KIAA1549L: variants seen among roughly 807,000 people sequenced by gnomAD.
KIAA1549L encodes the protein UPF0606 protein KIAA1549L.
A neutral mutation model predicts 160.7 loss-of-function variants in KIAA1549L; 88 were observed. The observed-to-expected ratio is 0.55, with a 90% CI of 0.46 to 0.65. The LOEUF (loss-of-function observed/expected upper bound fraction) is 0.65, where lower values mean the gene tolerates loss of function less well. KIAA1549L is among the 30% of genes least tolerant of loss of function. The pLI is 0.00. For synonymous variants in KIAA1549L, 950 were observed against 976.7 expected, an observed-to-expected ratio of 0.97 and a Z score of 0.51; for missense variants, 2,258 against 2,437.5, an observed-to-expected ratio of 0.93 and a Z score of 1.55.
chr11:33,615,453 G>C (rs545519455), intron 15 of KIAA1549L, among the ~76,000 whole-genome samples: 1 of 151,944 alleles, frequency 6.6e-6, no homozygotes, highest in African/African-American at 2.4e-5. Flanking sequence ...AAAGTATATA[G>C]CAAAATATCA....
Position 33,618,693 on chromosome 11 carries a change from G to A in KIAA1549L, c.5409+31G>A, listed in dbSNP as rs771617019. 8 of 1,524,834 alleles carry A rather than the reference G, an allele frequency of 5.2e-6. No individual in the cohort carries two copies. The East Asian group carries it at 1.7e-4, about 32-fold the overall frequency. 94.5% of individuals were successfully genotyped at this position (1,524,834 alleles called of 1,614,324 possible). A position where few individuals can be genotyped will look rare whatever the true frequency, so the allele number is the denominator to read the frequency against. ...TCTCTGGTGGGCTGGGTAAATACAA[G>A]CTTTCCTTTCCCCTGAAGGCAAGGG... On this transcript the variant is annotated intron_variant, in intron 16 of 20. Transcript: ENST00000658780.
chr11:33,450,767 A>G (rs1851705908), intron 1 of KIAA1549L: 1 of 152,238 alleles, frequency 6.6e-6, no homozygotes, highest in African/African-American at 2.4e-5. Context: ...GGGTTCCTAA[A>G]CTTCATGAAC....
chr11:33,472,328 C>T lies in KIAA1549L; in HGVS notation c.239-69474C>T, dbSNP rs183542323. Among the ~76,000 whole-genome samples the T allele has an allele frequency of 2.5e-3, 372 of 147,560 alleles. 2 individuals carry two copies. The highest frequency in any genetic ancestry group is 9.1e-3 in the African/African-American group (362 of 39,804). ...TAGAAACAGGGTCTCATTATGTTGC[C>T]CAGGTTGGTCTCAAACTCCTGGCCT... On this transcript the variant is annotated intron_variant, in intron 1 of 20. Coordinates refer to ENST00000658780, the MANE Select transcript of KIAA1549L (RefSeq NM_012194.3).
chr11:33,665,676 C>G (rs899916511), intron 20 of KIAA1549L: 1 of 152,404 alleles, frequency 6.6e-6, no homozygotes, highest in African/African-American at 2.4e-5. Context: ...TTCAGGCCCC[C>G]CCTGGCCTTC....
intron 13 of KIAA1549L, among the ~76,000 whole-genome samples, chr11:33,604,710 C>G (rs1285725496): frequency 6.6e-6 from 1 of 152,070 alleles, no homozygotes; most frequent in Admixed American, 6.5e-5. Flanking sequence ...AATGGAAAAC[C>G]AAATACTATA....
intron 20 of KIAA1549L, 77 bp from the exon 21 acceptor site, chr11:33,667,796 C>T: frequency 7.7e-7 from 1 of 1,295,814 alleles, no homozygotes; most frequent in South Asian, 1.4e-5. Context: ...CTCCTGCTTC[C>T]AGTGTCAAGT....
rs763188950 is a variant in KIAA1549L, at chr11:33,574,697, G to T, written c.4231-5G>T. On this transcript the variant is annotated splice_region_variant and splice_polypyrimidine_tract_variant and intron_variant, in intron 9 of 20. Transcript: ENST00000658780. ...GCAAACACTCGGCCTCTCTTTTTCC[G>T]AAAGATGGTGAAGATGCAGCGTGTC... 4 of 1,603,412 alleles carry T rather than the reference G, an allele frequency of 2.5e-6. No individual in the cohort carries two copies. Among genetic ancestry groups the T allele is most frequent in the East Asian group, 2.2e-5 (1 of 44,680 alleles).
intron 19 of KIAA1549L, 134 bp from the exon 20 acceptor site, chr11:33,660,729 G>T (rs922678876): frequency 1.2e-6 from 1 of 812,108 alleles, no homozygotes; most frequent in Non-Finnish European, 2.0e-6. Flanking sequence ...CCTCAGCTCA[G>T]ACCTGATTTA....
chr11:33,503,609 A>G (rs1248864881), intron 1 of KIAA1549L, among the ~76,000 whole-genome samples: 5 of 152,248 alleles, frequency 3.3e-5, no homozygotes, highest in Non-Finnish European at 5.9e-5. Flanking sequence ...TACATTTATC[A>G]CATAAGTCTA....
At chr11:33,651,086 A>G (rs556717927) in intron 17 of KIAA1549L, among the ~76,000 whole-genome samples, 1 of 152,060 alleles carries the variant, frequency 6.6e-6, no homozygotes, top group Non-Finnish European at 1.5e-5. Context: ...GTGTAAATGT[A>G]CCTCGCTTCT....
chr11:33,636,122 C>CT (rs1300637212), intron 16 of KIAA1549L, among the ~76,000 whole-genome samples: 2 of 152,198 alleles, frequency 1.3e-5, no homozygotes, highest in Non-Finnish European at 2.9e-5. Context: ...CTTAGTCACA[C>CT]AGTGGTTATT....
intron 1 of KIAA1549L, among the ~76,000 whole-genome samples, chr11:33,483,817 C>G (rs1273226564): frequency 6.6e-6 from 1 of 152,204 alleles, no homozygotes; most frequent in Non-Finnish European, 1.5e-5. Flanking sequence ...GATTGTGAGG[C>G]TGCTCCAGCC....
intron 1 of KIAA1549L, among the ~76,000 whole-genome samples, chr11:33,415,466 C>G (rs1040103297): frequency 6.6e-6 from 1 of 152,146 alleles, no homozygotes; most frequent in Non-Finnish European, 1.5e-5. Flanking sequence ...TCTACTTGGA[C>G]CAGCAAACAA....
intron 10 of KIAA1549L, among the ~76,000 whole-genome samples, chr11:33,578,133 G>T (rs1369722507): frequency 2.0e-5 from 3 of 152,186 alleles, no homozygotes; most frequent in Non-Finnish European, 1.5e-5. Context: ...CAGGAGGACC[G>T]GGTGAGGCTA....
chr11:33,459,278 CT>C (rs1851891931), intron 1 of KIAA1549L, among the ~76,000 whole-genome samples: 1 of 152,196 alleles, frequency 6.6e-6, no homozygotes, highest in Non-Finnish European at 1.5e-5. Context: ...TGAGATCACC[CT>C]TCAGAGGTCT....
At chr11:33,614,302 C>T (rs1248157193) in intron 15 of KIAA1549L, among the ~76,000 whole-genome samples, 1 of 151,476 alleles carries the variant, frequency 6.6e-6, no homozygotes, top group Non-Finnish European at 1.5e-5. Flanking sequence ...CTTTCATGTG[C>T]AAAGCAGCCA....
intron 1 of KIAA1549L, among the ~76,000 whole-genome samples, chr11:33,488,272 A>G (rs1011662193): frequency 5.9e-5 from 9 of 152,226 alleles, no homozygotes; most frequent in African/African-American, 2.2e-4. Flanking sequence ...GGCTTAGTCT[A>G]TGGATAATTC....
rs1852557032 is a variant in KIAA1549L, at chr11:33,668,333, T to C, written c.*179T>C. 1 of 637,292 alleles carries C rather than the reference T, an allele frequency of 1.6e-6. No homozygotes were observed. Among genetic ancestry groups the C allele is most frequent in the East Asian group, 2.8e-5 (1 of 36,318 alleles). 39.5% of individuals were successfully genotyped at this position (637,292 alleles called of 1,614,324 possible). A position where few individuals can be genotyped will look rare whatever the true frequency, so the allele number is the denominator to read the frequency against. ...GGAAACTCTTGAACGACTAGATTCT[T>C]GGCTCATCCAACTGATTGTGGGTCA... is the stretch of plus-strand genomic sequence containing the variant. On this transcript the variant is annotated 3_prime_UTR_variant, in exon 21 of 21. Coordinates refer to ENST00000658780, the MANE Select transcript of KIAA1549L (RefSeq NM_012194.3).
chr11:33,531,465 T>G (rs1216701754), intron 1 of KIAA1549L, among the ~76,000 whole-genome samples: 1 of 151,732 alleles, frequency 6.6e-6, no homozygotes, highest in Admixed American at 6.6e-5. Flanking sequence ...GGAATGAGAC[T>G]CTGTCTCAAA....
Sources: allele counts gnomAD v4.1 joint callset (sites outside exome capture counted in the v4.1 genomes callset), GRCh38; gene constraint gnomAD v4.1.1; transcripts MANE v1.5; gene names NCBI Gene and HGNC (gene_info 2026-07-23, HGNC 2026-07-21).